Variants in EVPL observed in about 807,000 individuals in gnomAD.
EVPL encodes 210 kDa cornified envelope precursor protein.
Under a neutral mutation model 129.7 loss-of-function variants are expected in EVPL, and 94 were observed. That is an observed-to-expected ratio of 0.72 (90% CI 0.61 to 0.86). EVPL has a LOEUF of 0.86. Ranked by LOEUF, EVPL falls within the 40% of genes least tolerant of loss-of-function variation. The pLI is 0.00. For synonymous variants in EVPL, 1,172 were observed against 1,191.1 expected (o/e 0.98, Z 0.33); for missense variants, 2,625 against 2,721.1 (o/e 0.96, Z 0.79).
At chr17:76,012,161 T>G in intron 18 of EVPL, 72 bp from the exon 19 acceptor site, 1 of 1,193,810 alleles carries the variant, frequency 8.4e-7, no homozygotes, top group African/African-American at 1.5e-5. Flanking sequence ...AGCCAGTGCC[T>G]CCAGGGCCAC....
rs1357022921 is a variant in EVPL, at chr17:76,023,610, C to T, written c.243G>A (p.Gln81=). ...CCTCCTTCAGGCTGCGGCCCGTCTC[C>T]TGCTGGTGCTGCAGGGCCTGGCTCT... The part of the protein sequence containing the change: ...SEQSQALQHQ[Q]ETGRSLKEAE... The change falls in exon 3 of 22, where the codon CAG becomes CAA. Residue 81 remains glutamine, a synonymous_variant. Coordinates refer to ENST00000301607, the MANE Select transcript of EVPL (RefSeq NM_001988.4). 6.2e-7 allele frequency: 1 copy of T among 1,607,316 alleles called. No homozygotes were observed. The highest frequency in any genetic ancestry group is 8.5e-7 in the Non-Finnish European group (1 of 1,177,780).
Position 76,011,823 on chromosome 17 carries a change from T to A in EVPL, c.2517A>T (p.Ser839=). The A allele has an allele frequency of 6.2e-7, 1 of 1,612,942 alleles. No individual in the cohort carries two copies. Among genetic ancestry groups the A allele is most frequent in the Non-Finnish European group, 8.5e-7 (1 of 1,179,644 alleles). The change falls in exon 20 of 22, where the codon TCA becomes TCT. Residue 839 remains serine, a synonymous_variant. Coordinates refer to ENST00000301607, the MANE Select transcript of EVPL (RefSeq NM_001988.4). ...RCSLEPTLAV[S]APKRPRVAPL... ...GAGCCACTCGGGGTCTCTTGGGGGC[T>A]GACACTGCCAGGGTGGGCTCCAAAG...
Position 76,007,566 on chromosome 17 carries a change from T to C in EVPL, c.5639A>G (p.His1880Arg), listed in dbSNP as rs769013836. ...GATCAGGCCCCTCTCCATCGCCTTG[T>C]GCACAGAGTAGCGCTCACGGCTGAG... ...DLLSRERYSV[H>R]KAMERGLIEN... The change falls in exon 22 of 22, where the codon CAC becomes CGC. Residue 1880 changes from histidine to arginine, a missense_variant. Coordinates refer to ENST00000301607, the MANE Select transcript of EVPL (RefSeq NM_001988.4). The surrounding 1 kb of genome is among the most constrained non-coding windows in gnomAD (Gnocchi z 8.8). 6.2e-7 allele frequency: 1 copy of C among 1,614,062 alleles called. No individual in the cohort carries two copies. Among genetic ancestry groups the C allele is most frequent in the Non-Finnish European group, 8.5e-7 (1 of 1,180,038 alleles).
Position 76,010,084 on chromosome 17 carries a change from G to T in EVPL, c.3121C>A (p.Gln1041Lys). The change falls in exon 22 of 22, where the codon CAG becomes AAG. Residue 1041 changes from glutamine to lysine, a missense_variant. Gln to Lys is a moderately conservative substitution (Grantham distance 53). Coordinates refer to ENST00000301607, the MANE Select transcript of EVPL (RefSeq NM_001988.4). ...ATGACGGCATCCTCCCCGCGGAGCT[G>T]CTGGATCTGGATCCTGAGCTGGGCC... is the stretch of plus-strand genomic sequence containing the variant. ...QAAQLRIQIQ[Q>K]LRGEDAVISA... 6.2e-7 allele frequency: 1 copy of T among 1,613,750 alleles called. No individual in the cohort carries two copies.
In EVPL at chr17:76,015,126, C is replaced by A; in HGVS notation, c.2029-17G>T. 1 of 1,568,956 alleles carries A rather than the reference C, an allele frequency of 6.4e-7. No homozygotes were observed. Among genetic ancestry groups the A allele is most frequent in the Non-Finnish European group, 8.6e-7 (1 of 1,156,772 alleles). On this transcript the variant is annotated splice_polypyrimidine_tract_variant and intron_variant, in intron 16 of 21. Coordinates refer to ENST00000301607, the MANE Select transcript of EVPL (RefSeq NM_001988.4). ...CCGCTGGCGCTGCAGGAGGAGGGGA[C>A]GCAGCCGTGCACCCTCGTGGCTGGG...
At chr17:76,014,196 C>G (rs983487916) in intron 18 of EVPL, among the ~76,000 whole-genome samples, 5 of 152,190 alleles carry the variant, frequency 3.3e-5, no homozygotes, top group Non-Finnish European at 5.9e-5. Flanking sequence ...AGAAAGTGGC[C>G]GGAACCCTCA....
Position 76,008,933 on chromosome 17 carries a change from G to A in EVPL, c.4272C>T (p.Ser1424=). The change falls in exon 22 of 22, where the codon AGC becomes AGT. Residue 1424 remains serine, a synonymous_variant. Coordinates refer to ENST00000301607, the MANE Select transcript of EVPL (RefSeq NM_001988.4). The surrounding 1 kb of genome is among the most constrained non-coding windows in gnomAD (Gnocchi z 7.4). ...GCTTCTTGCTGCGGTCCTCCTGGAAGCTGAGCAGGCCCTCCTGCTCCTCCA... is the reference window on the plus strand; with the variant it reads ...GCTTCTTGCTGCGGTCCTCCTGGAAACTGAGCAGGCCCTCCTGCTCCTCCA... ...AGVEEQEGLL[S]FQEDRSKKLA... is the part of the protein sequence containing the mutation. The A allele has an allele frequency of 6.2e-7, 1 of 1,612,554 alleles. No homozygotes were observed. The highest frequency in any genetic ancestry group is 8.5e-7 in the Non-Finnish European group (1 of 1,179,994).
intron 18 of EVPL, 76 bp downstream of exon 18, chr17:76,014,350 C>A: frequency 6.7e-7 from 1 of 1,497,436 alleles, no homozygotes; most frequent in Non-Finnish European, 8.9e-7. Context: ...GGCTTTGAAG[C>A]CCCTTAGAGC....
rs146869766 is a variant in EVPL at position 76,007,414 on chromosome 17, C to T, written c.5791G>A (p.Val1931Met). 180 of 1,603,940 alleles carry T rather than the reference C, an allele frequency of 1.1e-4. No homozygotes were observed. In the African/African-American group the frequency reaches 1.6e-3, roughly 14 times the overall value. The change falls in exon 22 of 22, where the codon GTG becomes ATG. Residue 1931 changes from valine to methionine, a missense_variant. Val to Met is a conservative substitution (Grantham distance 21). Around this residue, in one of 4 missense-constraint regions of EVPL, gnomAD observed 1,453 missense variants for 1,511.8 expected, o/e 0.96. Transcript: ENST00000301607. This position sits in a 1 kb window ranked among gnomAD's most constrained non-coding sequence, Gnocchi z 8.8. Reference sequence around the variant, plus strand: ...TGCTGCACCTGCAGGTGTGGGAGCACGCTCTCCCGGGGCATCCAGCCCTTC... The same window carrying T: ...TGCTGCACCTGCAGGTGTGGGAGCATGCTCTCCCGGGGCATCCAGCCCTTC... ...VQKGWMPRES[V>M]LPHLQVQHLT...
chr17:76,014,319 G>A, intron 18 of EVPL, 107 bp downstream of exon 18: 2 of 1,423,514 alleles, frequency 1.4e-6, no homozygotes, highest in Non-Finnish European at 1.9e-6. Flanking sequence ...CAGGGAAGGG[G>A]CCCAGGGCCT....
At position 76,008,646 on chromosome 17, in the gene EVPL, T is replaced by C; in HGVS notation, c.4559A>G (p.Tyr1520Cys). ...QKAKSQEKTI[Y>C]KEVIRVQKDR... ...CTTCTGCACCCGGATCACTTCCTTG[T>C]AGATGGTCTTCTCCTGCGATTTGGC... The change falls in exon 22 of 22, where the codon TAC becomes TGC. Residue 1520 changes from tyrosine (Y) to cysteine (C), a missense_variant. This residue lies in a region of EVPL where 1,453 missense variants were observed against 1,511.8 expected (regional missense o/e 0.96). Coordinates refer to ENST00000301607, the MANE Select transcript of EVPL (RefSeq NM_001988.4). The surrounding 1 kb of genome is among the most constrained non-coding windows in gnomAD (Gnocchi z 7.4). The C allele has an allele frequency of 6.2e-7, 1 of 1,611,754 alleles. No individual in the cohort carries two copies. Among genetic ancestry groups the C allele is most frequent in the South Asian group, 1.1e-5 (1 of 91,088 alleles).
intron 14 of EVPL, among the ~76,000 whole-genome samples, chr17:76,016,856 A>C (rs1476398676): frequency 6.6e-6 from 1 of 152,094 alleles, no homozygotes; most frequent in Non-Finnish European, 1.5e-5. Flanking sequence ...CAGTGAGCTG[A>C]GATTATACCA....
intron 14 of EVPL, 105 bp downstream of exon 14, chr17:76,017,634 C>T: frequency 6.8e-7 from 1 of 1,478,534 alleles, no homozygotes; most frequent in Non-Finnish European, 9.0e-7. Context: ...CCTTCTCCAT[C>T]TCCATCCCAG....
Position 76,014,488 on chromosome 17 carries a change from G to A in EVPL, c.2311C>T (p.Arg771Cys), listed in dbSNP as rs758669913. The A allele has an allele frequency of 6.2e-6, 10 of 1,611,864 alleles. No individual in the cohort carries two copies. The African/African-American group carries it at 8.0e-5, about 13-fold the overall frequency. The stretch of plus-strand genomic sequence containing the variant: ...CCGTCGCTGGGCCGCACCTGGCTGC[G>A]GGGCAGGTGCTCCAGCCAGGAGCTC... ...NLSSWLEHLP[R>C]SQVRPSDGPS... Residue 771 changes from arginine to cysteine, a missense_variant, in exon 18 of 22, where the codon CGC becomes TGC. Arg to Cys is a radical substitution (Grantham distance 180). Coordinates refer to ENST00000301607, the MANE Select transcript of EVPL (RefSeq NM_001988.4).
Position 76,007,103 on chromosome 17 carries a change from T to A in EVPL, c.6102A>T (p.Ter2034CysextTer47), listed in dbSNP as rs1311686983. 2.1e-6 allele frequency: 3 copies of A among 1,454,980 alleles called. No homozygotes were observed. In the South Asian group the frequency reaches 4.8e-5, roughly 23 times the overall value. 90.1% of individuals were successfully genotyped at this position (1,454,980 alleles called of 1,614,324 possible). A position where few individuals can be genotyped will look rare whatever the true frequency, so the allele number is the denominator to read the frequency against. The change falls in exon 22 of 22, where the codon TGA (stop) becomes TGT (cysteine). Residue 2034 changes from the stop codon to cysteine (C), a stop_lost. Coordinates refer to ENST00000301607, the MANE Select transcript of EVPL (RefSeq NM_001988.4). This position sits in a 1 kb window ranked among gnomAD's most constrained non-coding sequence, Gnocchi z 8.8. ...ASPTVPRSLR[*>C] ...TTCCCCACTGGCTCCTTGGCCCGTG[T>A]CAGCGAAGGGAGCGCGGGACGGTGG...
In EVPL at chr17:76,023,336, C is replaced by T. The variant is rs576603241; in HGVS notation, c.436G>A (p.Val146Met). ...LYEKMVLPPD[V>M]GPRVDWARVL... Reference sequence around the variant, plus strand: ...CGTGCCCAGTCGACCCTGGGTCCCACGTCGGGGGGCAGCACCATCTTCTCG... The same window carrying T: ...CGTGCCCAGTCGACCCTGGGTCCCATGTCGGGGGGCAGCACCATCTTCTCG... The change falls in exon 4 of 22, where the codon GTG becomes ATG. Residue 146 changes from valine to methionine, a missense_variant. Val to Met is a conservative substitution (Grantham distance 21, BLOSUM62 1). Coordinates refer to ENST00000301607, the MANE Select transcript of EVPL (RefSeq NM_001988.4). 2.4e-5 allele frequency: 39 copies of T among 1,613,928 alleles called. No homozygotes were observed. Among genetic ancestry groups the T allele is most frequent in the South Asian group, 2.1e-4 (19 of 91,082 alleles).
In EVPL at chr17:76,026,137, T is replaced by G. The variant is rs1263763628; in HGVS notation, c.98+964A>C. On this transcript the variant is annotated intron_variant, in intron 1 of 21. Transcript: ENST00000301607. ...TTGTATATTTTTTGTAGAGACGGGA[T>G]TTCATCATGTTGCCCAGGCTGGTCT... Among the ~76,000 whole-genome samples, 5 of 151,928 alleles carry G rather than the reference T, an allele frequency of 3.3e-5. No individual in the cohort carries two copies. In the East Asian group the frequency reaches 9.6e-4, roughly 29 times the overall value.
In EVPL at chr17:76,011,602, C is replaced by CCAGCTGCTGGAG. The variant is rs1567909336; in HGVS notation, c.2623_2634dup (p.Leu875_Leu878dup). Reference sequence around the variant, plus strand: ...TTCTCCAGCATTTTTCTAGCAAACTCCAGCTGCTGGAGCAGCTGCTGCTGT... The same window carrying CCAGCTGCTGGAG: ...TTCTCCAGCATTTTTCTAGCAAACTCCAGCTGCTGGAGCAGCTGCTGGAGCAGCTGCTGCTGT... On this transcript the variant is annotated inframe_insertion, in exon 21 of 22. Transcript: ENST00000301607. 6.2e-7 allele frequency: 1 copy of CCAGCTGCTGGAG among 1,614,108 alleles called. No individual in the cohort carries two copies. Among genetic ancestry groups the CCAGCTGCTGGAG allele is most frequent in the Admixed American group, 1.7e-5 (1 of 60,020 alleles).
intron 18 of EVPL, among the ~76,000 whole-genome samples, chr17:76,012,920 AT>A (rs1173724356): frequency 6.6e-6 from 1 of 150,814 alleles, no homozygotes; most frequent in Non-Finnish European, 1.5e-5. Context: ...AATTTTTTGT[AT>A]TTTTAGTAGA....
Sources: gnomAD v4.1 joint callset for allele counts (sites outside exome capture counted in the v4.1 genomes callset) on GRCh38, gnomAD v4.1.1 for gene constraint, gnomAD v4.1.1 regional missense constraint, Gnocchi (gnomAD v3.1) non-coding constraint, MANE v1.5 for transcripts, NCBI Gene and HGNC (gene_info 2026-07-23, HGNC 2026-07-21) for gene names.